DNAI1: variants seen among roughly 807,000 people sequenced by gnomAD.
DNAI1 encodes the protein dynein axonemal intermediate chain 1.
Under a neutral mutation model 92.0 loss-of-function variants are expected in DNAI1, and 67 were observed. That is an observed-to-expected ratio of 0.73 (90% CI 0.60 to 0.89). The LOEUF is 0.89. Among genes scored for constraint, DNAI1 ranks in the 40% least tolerant of loss-of-function variants. DNAI1 has a pLI of 0.00. For synonymous variants in DNAI1, 323 were observed against 319.6 expected, an observed-to-expected ratio of 1.01 and a Z score of -0.11; for missense variants, 839 against 866.6, an observed-to-expected ratio of 0.97 and a Z score of 0.40.
chr9:34,498,573 C>A (rs1824769013), intron 10 of DNAI1, among the ~76,000 whole-genome samples: 1 of 152,210 alleles, frequency 6.6e-6, no homozygotes. Context: ...ATCCTGGGGG[C>A]CTGGGAAATT....
At chr9:34,508,274 GA>G (rs957151524) in intron 13 of DNAI1, among the ~76,000 whole-genome samples, 24 of 152,210 alleles carry the variant, frequency 1.6e-4, no homozygotes, top group African/African-American at 5.1e-4. Context: ...GGCCTGAGCA[GA>G]GGGAGGACTG....
At chr9:34,462,224 C>T (rs1823964578) in intron 1 of DNAI1, among the ~76,000 whole-genome samples, 1 of 152,212 alleles carries the variant, frequency 6.6e-6, no homozygotes, top group African/African-American at 2.4e-5. Context: ...GAAAATTCCA[C>T]AATCCCAGCA....
intron 1 of DNAI1, among the ~76,000 whole-genome samples, chr9:34,460,657 T>G (rs1043682870): frequency 6.6e-6 from 1 of 151,742 alleles, no homozygotes; most frequent in African/African-American, 2.4e-5. Context: ...TATTTATTTT[T>G]TATTTTTGTA....
intron 15 of DNAI1, among the ~76,000 whole-genome samples, chr9:34,512,858 ACCCAGG>A (rs1825093792): frequency 6.6e-6 from 1 of 152,198 alleles, no homozygotes; most frequent in African/African-American, 2.4e-5. Flanking sequence ...TGCCTTGTTT[ACCCAGG>A]CCCCCATTCC....
chr9:34,512,000 G>A lies in DNAI1; in HGVS notation c.1312-109G>A, dbSNP rs77396606. Reference sequence around the variant, plus strand: ...TGGGATTCTGGGAAATGGGCTCCCAGAAGTTGCTTCTGAGCCTCAGATGGG... The same window carrying A: ...TGGGATTCTGGGAAATGGGCTCCCAAAAGTTGCTTCTGAGCCTCAGATGGG... On this transcript the variant is annotated intron_variant, in intron 13 of 19. Coordinates refer to ENST00000242317, the MANE Select transcript of DNAI1 (RefSeq NM_012144.4). The A allele has an allele frequency of 2.8e-3, 2,674 of 963,642 alleles. 40 individuals are homozygous for A. The African/African-American group carries it at 0.037, about 13-fold the overall frequency. The allele number at this position is 963,642 out of a possible 1,614,324, so 59.7% of individuals were successfully genotyped here. A position where few individuals can be genotyped will look rare whatever the true frequency, so the allele number is the denominator to read the frequency against.
At chr9:34,482,827 G>C (rs931697220) in intron 1 of DNAI1, among the ~76,000 whole-genome samples, 1 of 152,242 alleles carries the variant, frequency 6.6e-6, no homozygotes, top group Non-Finnish European at 1.5e-5. Flanking sequence ...GGTGCTCGTC[G>C]GGGAGGCTGG....
chr9:34,460,213 G>C (rs1424393596), intron 1 of DNAI1, among the ~76,000 whole-genome samples: 2 of 152,186 alleles, frequency 1.3e-5, no homozygotes, highest in Non-Finnish European at 2.9e-5. Context: ...GGAAGGCAAG[G>C]CAGTCCCAGT....
intron 1 of DNAI1, among the ~76,000 whole-genome samples, chr9:34,473,012 CTTCCAGAAAT>C: frequency 6.6e-6 from 1 of 152,132 alleles, no homozygotes; most frequent in African/African-American, 2.4e-5. Flanking sequence ...TCTATATATT[CTTCCAGAAAT>C]TTTGTATGTA....
chr9:34,485,361 C>G (rs1395100196), intron 3 of DNAI1, 76 bp from the exon 4 acceptor site: 5 of 1,590,846 alleles, frequency 3.1e-6, no homozygotes, highest in Non-Finnish European at 4.3e-6. Context: ...TGCTGATACT[C>G]TGAGGGATCC....
intron 18 of DNAI1, among the ~76,000 whole-genome samples, chr9:34,516,744 CTT>C (rs543113261): frequency 1.9e-4 from 25 of 135,004 alleles, no homozygotes; most frequent in Admixed American, 3.7e-4. Context: ...CTTTTCTTTT[CTT>C]TTTTTTTTTT....
Position 34,458,979 on chromosome 9 carries a change from C to G in DNAI1, c.-27C>G. The stretch of plus-strand genomic sequence containing the variant: ...AACTTTTTGTCTTCAGACGAGGGAG[C>G]GTTTTGTAGGCTCTCCAGGGGTTGA... On this transcript the variant is annotated 5_prime_UTR_variant, in exon 1 of 20. Transcript: ENST00000242317. The surrounding 1 kb of genome is among the most constrained non-coding windows in gnomAD (Gnocchi z 6.6). The G allele has an allele frequency of 6.2e-7, 1 of 1,612,280 alleles. No homozygotes were observed.
chr9:34,515,128 G>A (rs1046178745), intron 18 of DNAI1, among the ~76,000 whole-genome samples: 2 of 152,196 alleles, frequency 1.3e-5, no homozygotes, highest in African/African-American at 2.4e-5. Context: ...CTCCATCCCC[G>A]GGAGTGTGCA....
Position 34,514,561 on chromosome 9 carries a change from G to T in DNAI1, c.1718+19G>T, listed in dbSNP as rs1431938985. ...CCATCAAGTGAGGGGCCTGTTCCTG[G>T]CTCTGCCTGGGGCCCTCCCCTGGGC... On this transcript the variant is annotated intron_variant, in intron 17 of 19. Coordinates refer to ENST00000242317, the MANE Select transcript of DNAI1 (RefSeq NM_012144.4). 2.5e-6 allele frequency: 4 copies of T among 1,614,232 alleles called. No homozygotes were observed. The Admixed American group carries it at 6.7e-5, about 27-fold the overall frequency.
chr9:34,510,092 A>G (rs2132079492), intron 13 of DNAI1, among the ~76,000 whole-genome samples: 1 of 152,330 alleles, frequency 6.6e-6, no homozygotes, highest in East Asian at 1.9e-4. Flanking sequence ...GGACTGTGTC[A>G]GAGATACTGT....
intron 1 of DNAI1, among the ~76,000 whole-genome samples, chr9:34,466,248 C>T (rs915156466): frequency 1.3e-5 from 2 of 152,186 alleles, no homozygotes; most frequent in African/African-American, 4.8e-5. Flanking sequence ...TTAAAGCAGC[C>T]TAATCCTATT....
intron 1 of DNAI1, among the ~76,000 whole-genome samples, chr9:34,482,160 C>G (rs1824372739): frequency 6.6e-6 from 1 of 152,160 alleles, no homozygotes; most frequent in Admixed American, 6.5e-5. Flanking sequence ...ATTCACAAAC[C>G]TTGAGCTAAA....
At chr9:34,467,989 C>T (rs1193161616) in intron 1 of DNAI1, among the ~76,000 whole-genome samples, 1 of 152,102 alleles carries the variant, frequency 6.6e-6, no homozygotes, top group Non-Finnish European at 1.5e-5. Context: ...GTCTTTAAAG[C>T]AGCTGTTATA....
chr9:34,514,638 A>T lies in DNAI1; in HGVS notation c.1719-2A>T, dbSNP rs1372668734. The stretch of plus-strand genomic sequence containing the variant: ...TGGGCTTTCCACCCTCCACCTCTGC[A>T]GGACCCCGATGTTCATCTATGACCT... On this transcript the variant is annotated splice_acceptor_variant, in intron 17 of 19. Coordinates refer to ENST00000242317, the MANE Select transcript of DNAI1 (RefSeq NM_012144.4). LOFTEE classifies it high-confidence loss of function. 3.1e-6 allele frequency: 5 copies of T among 1,614,068 alleles called. No homozygotes were observed. In the East Asian group the frequency reaches 1.1e-4, roughly 36 times the overall value.
At chr9:34,474,725 T>C (rs960863960) in intron 1 of DNAI1, among the ~76,000 whole-genome samples, 17 of 151,916 alleles carry the variant, frequency 1.1e-4, no homozygotes, top group Admixed American at 2.6e-4. Flanking sequence ...TGTGCCACCA[T>C]GTCCGGCTAA....
Sources: gnomAD v4.1 joint callset for allele counts (sites outside exome capture counted in the v4.1 genomes callset) on GRCh38, gnomAD v4.1.1 for gene constraint, Gnocchi (gnomAD v3.1) non-coding constraint, MANE v1.5 for transcripts, NCBI Gene and HGNC (gene_info 2026-07-23, HGNC 2026-07-21) for gene names.